Variants in WNK2 observed in about 807,000 individuals in gnomAD.
WNK2 encodes WNK lysine deficient protein kinase 2.
In WNK2, 67 loss-of-function variants were observed where a neutral mutation model predicts 192.1. The observed-to-expected ratio is 0.35, with a 90% CI of 0.29 to 0.43. The LOEUF is 0.43. WNK2 is among the 20% of genes least tolerant of loss of function. The pLI is 1.00. For synonymous variants in WNK2, 1,439 were observed against 1,393.9 expected, an observed-to-expected ratio of 1.03 and a Z score of -0.72; for missense variants, 2,698 against 3,089.7, an observed-to-expected ratio of 0.87 and a Z score of 3.01.
intron 19 of WNK2, 158 bp downstream of exon 19, chr9:93,268,904 C>T (rs1845613452): frequency 1.3e-6 from 2 of 1,563,766 alleles, no homozygotes; most frequent in Non-Finnish European, 1.7e-6. Flanking sequence ...GGGCTGTGTT[C>T]CTATCCTTGT....
intron 2 of WNK2, among the ~76,000 whole-genome samples, chr9:93,214,925 C>T (rs888502170): frequency 1.3e-5 from 2 of 151,618 alleles, no homozygotes; most frequent in Non-Finnish European, 2.9e-5. Flanking sequence ...CTCTGTCACC[C>T]AGGCTGGAGT....
At chr9:93,190,347 C>T (rs1830116473) in intron 2 of WNK2, among the ~76,000 whole-genome samples, 1 of 152,218 alleles carries the variant, frequency 6.6e-6, no homozygotes, top group African/African-American at 2.4e-5. Context: ...GAGGCTGAGG[C>T]ACCACAGCTT....
intron 2 of WNK2, among the ~76,000 whole-genome samples, chr9:93,217,329 G>A (rs1835933940): frequency 6.6e-6 from 1 of 152,198 alleles, no homozygotes; most frequent in African/African-American, 2.4e-5. Flanking sequence ...AACCTGTACT[G>A]GCCTGATTTC....
At chr9:93,295,473 G>A (rs1850105318) in intron 23 of WNK2, among the ~76,000 whole-genome samples, 1 of 151,978 alleles carries the variant, frequency 6.6e-6, no homozygotes, top group Non-Finnish European at 1.5e-5. Flanking sequence ...AAGCCTATGT[G>A]GCAGGTGTTG....
chr9:93,190,416 G>C (rs1422461349), intron 2 of WNK2, among the ~76,000 whole-genome samples: 2 of 152,232 alleles, frequency 1.3e-5, no homozygotes, highest in African/African-American at 4.8e-5. Flanking sequence ...GCGCCTGGCT[G>C]AGCTGAATCA....
intron 7 of WNK2, among the ~76,000 whole-genome samples, chr9:93,241,166 C>T (rs191357049): frequency 6.6e-5 from 10 of 152,350 alleles, no homozygotes; most frequent in Admixed American, 2.6e-4. Flanking sequence ...CAGACAGAGA[C>T]GTCTTTGTTG....
intron 23 of WNK2, among the ~76,000 whole-genome samples, chr9:93,296,210 C>T (rs1174332259): frequency 3.3e-5 from 2 of 60,188 alleles, no homozygotes; most frequent in African/African-American, 1.5e-4. Context: ...ATCCTTCCCT[C>T]ACCTTCCTCC....
rs998565128 is a variant in WNK2, at chr9:93,240,705, G to A, written c.1542+729G>A. ...CTGACGATGCCAGGGGGTCAGCGGT[G>A]GAATGGGAATTGTGTGGGATGTGGG... is the stretch of plus-strand genomic sequence containing the variant. On this transcript the variant is annotated intron_variant, in intron 7 of 29. Transcript: ENST00000427277. Among the ~76,000 whole-genome samples the A allele has an allele frequency of 5.9e-5, 9 of 152,198 alleles. No individual in the cohort carries two copies. The East Asian group carries it at 1.5e-3, about 26-fold the overall frequency.
At chr9:93,304,018 C>T (rs1039807542) in intron 26 of WNK2, among the ~76,000 whole-genome samples, 3 of 152,314 alleles carry the variant, frequency 2.0e-5, no homozygotes, top group East Asian at 1.9e-4. Context: ...GGGAGGTGGG[C>T]TGCCCCAGCT....
At chr9:93,272,230 C>T (rs927387334) in intron 19 of WNK2, among the ~76,000 whole-genome samples, 4 of 152,160 alleles carry the variant, frequency 2.6e-5, no homozygotes, top group South Asian at 2.1e-4. Context: ...TTCTTCTCCT[C>T]GAGTTCTTTA....
At chr9:93,242,410 C>T (rs905468679) in intron 7 of WNK2, among the ~76,000 whole-genome samples, 11 of 152,190 alleles carry the variant, frequency 7.2e-5, no homozygotes, top group Admixed American at 3.9e-4. Context: ...CTCTCCATGA[C>T]CATGTGGTGC....
chr9:93,202,366 G>GTGTGTT (rs924365964), intron 2 of WNK2, among the ~76,000 whole-genome samples: 78 of 149,714 alleles, frequency 5.2e-4, no homozygotes, highest in African/African-American at 1.9e-3. Flanking sequence ...GTGTGTGTGT[G>GTGTGTT]TATGTCTCGT....
Position 93,257,068 on chromosome 9 carries a change from GC to G in WNK2, c.2316del (p.Ala773LeufsTer3). On this transcript the variant is annotated frameshift_variant, in exon 11 of 30. Coordinates refer to ENST00000427277, the MANE Select transcript of WNK2 (RefSeq NM_006648.4). LOFTEE classifies it high-confidence loss of function. This position sits in a 1 kb window ranked among gnomAD's most constrained non-coding sequence, Gnocchi z 4.7. ...CCTGGCTCCAGCCTCCCAGGTGGGG[GC>G]CCCCGCTCAGCTGAAGCCCCTCCAG... ...PYLAPASQVGAPAQLKPLQMP... is the reference protein window; with the variant it reads ...PYLAPASQVGXPAQLKPLQMP... 1.2e-6 allele frequency: 2 copies of G among 1,606,234 alleles called. No individual in the cohort carries two copies.
At chr9:93,210,617 G>C (rs1384098046) in intron 2 of WNK2, among the ~76,000 whole-genome samples, 3 of 152,148 alleles carry the variant, frequency 2.0e-5, no homozygotes, top group African/African-American at 4.8e-5. Context: ...ATCATACCAG[G>C]CCCTTTCCTT....
At chr9:93,317,744 G>T in intron 29 of WNK2, 113 bp downstream of exon 29, 1 of 1,483,684 alleles carries the variant, frequency 6.7e-7, no homozygotes, top group Non-Finnish European at 9.1e-7. Context: ...AGGTGGGCCA[G>T]CTGGGGGCAC....
intron 28 of WNK2, chr9:93,315,634 GTCT>G (rs916611036): frequency 1.3e-5 from 2 of 152,198 alleles, no homozygotes; most frequent in African/African-American, 4.8e-5. Context: ...TCAAACTGAA[GTCT>G]TCTCCTTCTT....
chr9:93,253,091 G>T lies in WNK2; in HGVS notation c.2034+9G>T. ...AGCAGCCCACGGCTGCAGTGAGTCA[G>T]AGCATCACTCCCACCCCCTTCCCCA... is the stretch of plus-strand genomic sequence containing the variant. On this transcript the variant is annotated intron_variant, in intron 9 of 29. Transcript: ENST00000427277. The T allele has an allele frequency of 7.0e-7, 1 of 1,427,292 alleles. No homozygotes were observed. 88.4% of individuals were successfully genotyped at this position (1,427,292 alleles called of 1,614,324 possible).
chr9:93,193,497 C>T (rs1328257305), intron 2 of WNK2, among the ~76,000 whole-genome samples: 1 of 152,236 alleles, frequency 6.6e-6, no homozygotes, highest in African/African-American at 2.4e-5. Context: ...CCGAGGCTGC[C>T]TGTCTCCCCG....
At chr9:93,200,454 C>T (rs1832131840) in intron 2 of WNK2, among the ~76,000 whole-genome samples, 1 of 152,214 alleles carries the variant, frequency 6.6e-6, no homozygotes, top group African/African-American at 2.4e-5. Context: ...GTTGGGGAGC[C>T]CAGTTGCTGG....
Sources: gnomAD v4.1 joint callset for allele counts (sites outside exome capture counted in the v4.1 genomes callset) on GRCh38, gnomAD v4.1.1 for gene constraint, Gnocchi (gnomAD v3.1) non-coding constraint, MANE v1.5 for transcripts, NCBI Gene and HGNC (gene_info 2026-07-23, HGNC 2026-07-21) for gene names.